SLC48A1: variants seen among roughly 807,000 people sequenced by gnomAD.
SLC48A1 encodes the protein heme transporter HRG1.
SLC48A1 carries 6 observed loss-of-function variants against 14.8 expected under a neutral mutation model. That is an observed-to-expected ratio of 0.41 (90% confidence interval 0.22 to 0.80). SLC48A1 has a LOEUF of 0.80. Among genes scored for constraint, SLC48A1 ranks in the 30% least tolerant of loss-of-function variants. The pLI, the probability that SLC48A1 is intolerant of heterozygous loss-of-function variation, is 0.34. For synonymous variants in SLC48A1, 89 were observed against 90.0 expected (o/e 0.99, Z 0.06); for missense variants, 165 against 204.8 (o/e 0.81, Z 1.19).
upstream of SLC48A1, among the ~76,000 whole-genome samples, chr12:47,757,526 G>C (rs1027425663): frequency 6.6e-6 from 1 of 152,010 alleles, no homozygotes; most frequent in East Asian, 1.9e-4. Flanking sequence ...CCATTGACCC[G>C]GCCCCCATAC....
chr12:47,757,958 T>G (rs1473811743), upstream of SLC48A1: 2 of 1,560,720 alleles, frequency 1.3e-6, no homozygotes, highest in Non-Finnish European at 1.7e-6. Flanking sequence ...CTCAACACCA[T>G]GTTGAGTAGT....
At chr12:47,758,049 C>T, upstream of SLC48A1, 5 of 1,572,086 alleles carry the variant, frequency 3.2e-6, no homozygotes, top group Non-Finnish European at 4.3e-6. Context: ...CCAGGCCCAC[C>T]TGCCAGCAGC....
rs966554572 is a variant in SLC48A1 at position 47,782,429 on chromosome 12, T to G, written c.*2148T>G. 1.3e-5 allele frequency: 2 copies of G among 152,010 alleles called. No homozygotes were observed. The highest frequency in any genetic ancestry group is 4.8e-5 in the African/African-American group (2 of 41,356). 9.4% of individuals were successfully genotyped at this position (152,010 alleles called of 1,614,324 possible). On this transcript the variant is annotated 3_prime_UTR_variant, in exon 3 of 3. Transcript: ENST00000442218. ...TGGGGCTGAGCTCCTGTATTCCCACTCCCCCACCCCACCCCCACTCCTGCC... is the reference window on the plus strand; with the variant it reads ...TGGGGCTGAGCTCCTGTATTCCCACGCCCCCACCCCACCCCCACTCCTGCC...
chr12:47,780,858 T>C lies in SLC48A1; in HGVS notation c.*577T>C, dbSNP rs7964310. The stretch of plus-strand genomic sequence containing the variant: ...CTGGGATTATAGGTGTGAGCCACCG[T>C]GCCCGGCCTGGATCTGTTTTCTTAG... On this transcript the variant is annotated 3_prime_UTR_variant, in exon 3 of 3. Coordinates refer to ENST00000442218, the MANE Select transcript of SLC48A1 (RefSeq NM_017842.3). 75,378 of 526,042 alleles carry C rather than the reference T, an allele frequency of 0.14. 6,288 individuals are homozygous for C. Among genetic ancestry groups the C allele is most frequent in the Non-Finnish European group, 0.18 (47,497 of 257,982 alleles). 32.6% of individuals were successfully genotyped at this position (526,042 alleles called of 1,614,324 possible). A position where few individuals can be genotyped will look rare whatever the true frequency, so the allele number is the denominator to read the frequency against.
rs141811443 is a variant in SLC48A1, at chr12:47,780,896, A to G, written c.*615A>G. ...TCTGTTTTCTTAGCACGCAGTGAGG[A>G]ATCTTTGTACTTAAGGCCAGGGCAA... is the stretch of plus-strand genomic sequence containing the variant. On this transcript the variant is annotated 3_prime_UTR_variant, in exon 3 of 3. Transcript: ENST00000442218. 4.9e-5 allele frequency: 26 copies of G among 533,216 alleles called. No individual in the cohort carries two copies. The African/African-American group carries it at 5.0e-4, about 10-fold the overall frequency. 33.0% of individuals were successfully genotyped at this position (533,216 alleles called of 1,614,324 possible). A position where few individuals can be genotyped will look rare whatever the true frequency, so the allele number is the denominator to read the frequency against.
chr12:47,761,751 A>C lies in SLC48A1; in HGVS notation c.-187+1350A>C, dbSNP rs373444240. ...AAATGCTTGGCAGGTGTGTTAAGAC[A>C]GATAAATAATAATAAGAATAGTCAA... On this transcript the variant is annotated intron_variant, in intron 2 of 4. Transcript: ENST00000547002. Among the ~76,000 whole-genome samples the C allele has an allele frequency of 1.3e-4, 20 of 152,362 alleles. No homozygotes were observed. In the East Asian group the frequency reaches 3.5e-3, roughly 26 times the overall value.
intron 1 of SLC48A1, among the ~76,000 whole-genome samples, chr12:47,776,530 C>T (rs1273829862): frequency 6.6e-6 from 1 of 152,228 alleles, no homozygotes; most frequent in African/African-American, 2.4e-5. Context: ...TGGTGGAGAG[C>T]TCCCTTCCCA....
At chr12:47,773,548 G>A (rs1466788553) in intron 1 of SLC48A1, 108 bp downstream of exon 1, 5 of 1,231,560 alleles carry the variant, frequency 4.1e-6, no homozygotes, top group African/African-American at 1.6e-5. Context: ...CGGAGCGGGT[G>A]GAGTGTTTAC....
chr12:47,765,588 C>A (rs1180445717), intron 2 of SLC48A1, among the ~76,000 whole-genome samples: 1 of 152,174 alleles, frequency 6.6e-6, no homozygotes, highest in Non-Finnish European at 1.5e-5. Flanking sequence ...GGGGGCCAGG[C>A]AAAGTGGCAG....
At position 47,780,360 on chromosome 12, in the gene SLC48A1, C is replaced by T. The variant is rs760680781; in HGVS notation, c.*79C>T. 15 of 1,601,834 alleles carry T rather than the reference C, an allele frequency of 9.4e-6. No homozygotes were observed. Among genetic ancestry groups the T allele is most frequent in the Non-Finnish European group, 9.4e-6 (11 of 1,169,194 alleles). On this transcript the variant is annotated 3_prime_UTR_variant, in exon 3 of 3. Coordinates refer to ENST00000442218, the MANE Select transcript of SLC48A1 (RefSeq NM_017842.3). ...CTCTGAGATGTTGGGAGAGGCTACT[C>T]CCACCCCCTGGTGACCCCAGAACTG...
upstream of SLC48A1, among the ~76,000 whole-genome samples, chr12:47,767,650 G>C (rs143849214): frequency 1.0e-3 from 153 of 152,296 alleles, no homozygotes; most frequent in Non-Finnish European, 1.7e-3. Flanking sequence ...TTTTTGTCAT[G>C]ATAAGTGCTG....
intron 1 of SLC48A1, among the ~76,000 whole-genome samples, chr12:47,776,998 C>G (rs1441889267): frequency 6.6e-6 from 1 of 152,188 alleles, no homozygotes; most frequent in African/African-American, 2.4e-5. Context: ...GCGAGGGGAC[C>G]TGTTCCAGAC....
upstream of SLC48A1, chr12:47,757,774 G>T: frequency 7.9e-7 from 1 of 1,269,558 alleles, no homozygotes; most frequent in Non-Finnish European, 1.1e-6. Flanking sequence ...CCCAGAGCAA[G>T]CTGGGCCACC....
chr12:47,778,020 C>T (rs1489940993), intron 1 of SLC48A1, among the ~76,000 whole-genome samples: 2 of 152,230 alleles, frequency 1.3e-5, no homozygotes, highest in South Asian at 2.1e-4. Flanking sequence ...CACCTTGCAA[C>T]CCAACCAGCT....
chr12:47,766,789 G>T (rs2136851691), upstream of SLC48A1, among the ~76,000 whole-genome samples: 1 of 152,296 alleles, frequency 6.6e-6, no homozygotes, highest in East Asian at 1.9e-4. Context: ...CAGTGGGCAG[G>T]CAGAGGAAAT....
upstream of SLC48A1, chr12:47,770,944 G>A (rs1942616961): frequency 2.2e-6 from 1 of 456,562 alleles, no homozygotes; most frequent in South Asian, 1.5e-5. Flanking sequence ...ATCCTGGCCA[G>A]CTCTGAAGCC....
intron 2 of SLC48A1, 111 bp downstream of exon 2, chr12:47,779,306 T>C: frequency 7.3e-7 from 1 of 1,370,786 alleles, no homozygotes; most frequent in East Asian, 2.5e-5. Context: ...GGTGAATTAC[T>C]TAACCTCCCC....
rs1942922411 is a variant in SLC48A1 at position 47,782,638 on chromosome 12, C to G, written c.*2357C>G. The G allele has an allele frequency of 6.6e-6, 1 of 152,424 alleles. No homozygotes were observed. Among genetic ancestry groups the G allele is most frequent in the South Asian group, 2.1e-4 (1 of 4,832 alleles). The allele number at this position is 152,424 out of a possible 1,614,324, so 9.4% of individuals were successfully genotyped here. ...GTCCCTCCTCCGGCAGTGACTCAGA[C>G]CCACACTGTGCCGTGCAGCTGTGTG... On this transcript the variant is annotated 3_prime_UTR_variant, in exon 3 of 3. Coordinates refer to ENST00000442218, the MANE Select transcript of SLC48A1 (RefSeq NM_017842.3).
intron 1 of SLC48A1, among the ~76,000 whole-genome samples, chr12:47,774,172 C>T (rs11612268): frequency 2.6e-5 from 4 of 152,256 alleles, no homozygotes; most frequent in Non-Finnish European, 5.9e-5. Context: ...CATCGGTGCG[C>T]TGATGGGGGC....
Sources: gnomAD v4.1 joint callset for allele counts (sites outside exome capture counted in the v4.1 genomes callset) on GRCh38, gnomAD v4.1.1 for gene constraint, MANE v1.5 for transcripts, NCBI Gene and HGNC (gene_info 2026-07-23, HGNC 2026-07-21) for gene names.